Variants in ARHGEF6 observed in about 807,000 individuals in gnomAD.
The protein encoded by ARHGEF6 is rho guanine nucleotide exchange factor 6.
ARHGEF6 carries 9 observed loss-of-function variants against 70.3 expected under a neutral mutation model. That is an observed-to-expected ratio of 0.13 (90% confidence interval 0.08 to 0.22). The LOEUF (loss-of-function observed/expected upper bound fraction) is 0.22. Ranked by LOEUF, ARHGEF6 falls within the 10% of genes least tolerant of loss-of-function variation. ARHGEF6 has a pLI of 1.00. For synonymous variants in ARHGEF6, 201 were observed against 207.8 expected (o/e 0.97, Z 0.28); for missense variants, 470 against 563.0 (o/e 0.83, Z 1.67).
chrX:136,693,981 T>C (rs1603338456), intron 9 of ARHGEF6, among the ~76,000 whole-genome samples: 2 of 110,774 alleles, frequency 1.8e-5, no homozygotes, highest in African/African-American at 6.6e-5. Flanking sequence ...GTGGTTCCCT[T>C]TCTTCTCTTT....
At chrX:136,716,456 C>T (rs892182429) in intron 6 of ARHGEF6, among the ~76,000 whole-genome samples, 1 of 111,419 alleles carries the variant, frequency 9.0e-6, no homozygotes, top group Non-Finnish European at 1.9e-5. Flanking sequence ...GAGACCTAAT[C>T]TGGAAACATA....
At chrX:136,680,650 C>T (rs922606997) in intron 15 of ARHGEF6, 81 bp downstream of exon 15, 185 of 1,106,524 alleles carry the variant, frequency 1.7e-4, no homozygotes, top group Admixed American at 7.0e-4. Flanking sequence ...AGGGTGTGCT[C>T]GCTGCTTCTT....
chrX:136,761,665 A>G (rs1194332795), intron 2 of ARHGEF6, among the ~76,000 whole-genome samples: 1 of 112,373 alleles, frequency 8.9e-6, no homozygotes, highest in Non-Finnish European at 1.9e-5. Context: ...GAAATATTCA[A>G]CTTTGTTTTG....
At chrX:136,726,805 G>A (rs1234737838) in intron 6 of ARHGEF6, among the ~76,000 whole-genome samples, 1 of 112,827 alleles carries the variant, frequency 8.9e-6, no homozygotes, top group African/African-American at 3.2e-5. Context: ...CTTTCACTCT[G>A]CACACAGATG....
chrX:136,698,745 A>G (rs1452952916), intron 9 of ARHGEF6, among the ~76,000 whole-genome samples: 3 of 112,630 alleles, frequency 2.7e-5, no homozygotes, highest in Admixed American at 9.4e-5. Context: ...ACCTTACAAT[A>G]AGCACTCAGT....
chrX:136,724,905 T>G (rs2076838116), intron 6 of ARHGEF6, among the ~76,000 whole-genome samples: 1 of 112,246 alleles, frequency 8.9e-6, no homozygotes, highest in Admixed American at 9.4e-5. Flanking sequence ...AATTTTTAAA[T>G]TAGAAAAATC....
Position 136,685,665 on chromosome X carries a change from G to A in ARHGEF6, c.1392+12C>T. 14 of 1,144,532 alleles carry A rather than the reference G, an allele frequency of 1.2e-5. No homozygotes were observed. Among genetic ancestry groups the A allele is most frequent in the Non-Finnish European group, 1.7e-5 (14 of 839,698 alleles). The allele number at this position is 1,144,532 out of a possible 1,213,427, so 94.3% of individuals were successfully genotyped here. The stretch of plus-strand genomic sequence containing the variant: ...GATGGAAGAAATAATGTTGAGATTT[G>A]AAATACCTTACCTCACATGCTCCAT... On this transcript the variant is annotated intron_variant, in intron 12 of 21. Coordinates refer to ENST00000250617, the MANE Select transcript of ARHGEF6 (RefSeq NM_004840.3).
chrX:136,689,057 A>AT (rs1253262197), intron 10 of ARHGEF6, among the ~76,000 whole-genome samples: 1 of 112,139 alleles, frequency 8.9e-6, no homozygotes, highest in Non-Finnish European at 1.9e-5. Flanking sequence ...AGCTGAACAG[A>AT]TTAGGGGCCT....
Position 136,770,195 on chromosome X carries a change from T to C in ARHGEF6, c.249+9219A>G, listed in dbSNP as rs779939502. Among the ~76,000 whole-genome samples, 579 of 112,480 alleles carry C rather than the reference T, an allele frequency of 5.1e-3. 1 individual carries two copies. The highest frequency in any genetic ancestry group is 7.1e-3 in the Non-Finnish European group (377 of 53,281). ...AATCACTGATGTGCACAAATTTCTA[T>C]GTGCATATATAACATGATCTACTGG... On this transcript the variant is annotated intron_variant, in intron 2 of 21. Transcript: ENST00000250617.
chrX:136,754,887 C>G (rs2077190112), intron 2 of ARHGEF6, among the ~76,000 whole-genome samples: 1 of 111,396 alleles, frequency 9.0e-6, no homozygotes, highest in Admixed American at 9.5e-5. Flanking sequence ...TGGGTGATCT[C>G]TCAGCTGCTG....
chrX:136,667,841 C>A lies in ARHGEF6; in HGVS notation c.*188G>T. 2 of 531,284 alleles carry A rather than the reference C, an allele frequency of 3.8e-6. No individual in the cohort carries two copies. Among genetic ancestry groups the A allele is most frequent in the South Asian group, 6.6e-5 (2 of 30,213 alleles). 43.8% of individuals were successfully genotyped at this position (531,284 alleles called of 1,213,427 possible). On this transcript the variant is annotated 3_prime_UTR_variant, in exon 22 of 22. Coordinates refer to ENST00000250617, the MANE Select transcript of ARHGEF6 (RefSeq NM_004840.3). ...ACCAATAACCAAACAACAGCAAATGCCCAAGCGCGCACGTGCACGCACACA... is the reference window on the plus strand; with the variant it reads ...ACCAATAACCAAACAACAGCAAATGACCAAGCGCGCACGTGCACGCACACA...
At chrX:136,767,113 C>G in intron 2 of ARHGEF6, 15 of 754,650 alleles carry the variant, frequency 2.0e-5, no homozygotes, top group Non-Finnish European at 2.2e-5. Flanking sequence ...CGCTCCCCTT[C>G]CCCTGACCCT....
intron 2 of ARHGEF6, among the ~76,000 whole-genome samples, chrX:136,772,508 C>T (rs960371698): frequency 1.8e-5 from 2 of 112,052 alleles, no homozygotes; most frequent in African/African-American, 6.5e-5. Context: ...ATTTCATGTA[C>T]CCCACAAATA....
intron 2 of ARHGEF6, among the ~76,000 whole-genome samples, chrX:136,764,168 C>CA (rs368582688): frequency 0.046 from 4,442 of 97,615 alleles, 79 homozygotes; most frequent in Non-Finnish European, 0.058. Flanking sequence ...GCAGAGCTTT[C>CA]AAAAAAAAAA....
rs1376369042 is a variant in ARHGEF6, at chrX:136,752,703, G to A, written c.250-5111C>T. On this transcript the variant is annotated intron_variant, in intron 2 of 21. Coordinates refer to ENST00000250617, the MANE Select transcript of ARHGEF6 (RefSeq NM_004840.3). Reference sequence around the variant, plus strand: ...AGGTTCCATTACTCAAGAGTTAAAAGTCTAATCAACTGAAAAGCAAGTGAT... The same window carrying A: ...AGGTTCCATTACTCAAGAGTTAAAAATCTAATCAACTGAAAAGCAAGTGAT... Among the ~76,000 whole-genome samples, 3 of 112,327 alleles carry A rather than the reference G, an allele frequency of 2.7e-5. No homozygotes were observed. In the East Asian group the frequency reaches 8.3e-4, roughly 31 times the overall value.
At chrX:136,762,017 C>T (rs749350419) in intron 2 of ARHGEF6, among the ~76,000 whole-genome samples, 2 of 111,380 alleles carry the variant, frequency 1.8e-5, no homozygotes, top group African/African-American at 6.5e-5. Context: ...CGGGTTCAAG[C>T]GATTCTCCCA....
Position 136,680,833 on chromosome X carries a change from C to T in ARHGEF6, c.1602G>A (p.Gln534=). 4 of 1,211,392 alleles carry T rather than the reference C, an allele frequency of 3.3e-6. No homozygotes were observed. Among genetic ancestry groups the T allele is most frequent in the Non-Finnish European group, 3.4e-6 (3 of 895,057 alleles). The change falls in exon 15 of 22, where the codon CAG becomes CAA. Residue 534 remains glutamine, a synonymous_variant. Transcript: ENST00000250617. ...ERIVVHCNNN[Q]DFQEWLEQLN... is the part of the protein sequence containing the mutation. The stretch of plus-strand genomic sequence containing the variant: ...GCTGCTCCAACCATTCCTGGAAGTC[C>T]TGGTTGTTGTTACAATGGACCACAA...
chrX:136,778,676 G>A lies in ARHGEF6; in HGVS notation c.249+738C>T, dbSNP rs147995642. Among the ~76,000 whole-genome samples, 70 of 110,370 alleles carry A rather than the reference G, an allele frequency of 6.3e-4. 1 individual carries two copies. The East Asian group carries it at 0.019, about 30-fold the overall frequency. Reference sequence around the variant, plus strand: ...GCCTAATTTTTGTATTTTTTGTAGAGTCACCATTTCACCATACTGTCCAGG... The same window carrying A: ...GCCTAATTTTTGTATTTTTTGTAGAATCACCATTTCACCATACTGTCCAGG... On this transcript the variant is annotated intron_variant, in intron 2 of 21. Coordinates refer to ENST00000250617, the MANE Select transcript of ARHGEF6 (RefSeq NM_004840.3).
intron 6 of ARHGEF6, among the ~76,000 whole-genome samples, chrX:136,728,664 G>A (rs112590879): frequency 2.6e-4 from 28 of 108,596 alleles, no homozygotes; most frequent in African/African-American, 9.4e-4. Flanking sequence ...GCATGTGTCT[G>A]TAAGGGTTTT....
Sources: gnomAD v4.1 joint callset for allele counts (sites outside exome capture counted in the v4.1 genomes callset) on GRCh38, gnomAD v4.1.1 for gene constraint, MANE v1.5 for transcripts, NCBI Gene and HGNC (gene_info 2026-07-23, HGNC 2026-07-21) for gene names.